Variants in OTUD7A observed in about 807,000 individuals in gnomAD.
OTUD7A encodes OTU deubiquitinase 7A.
Under a neutral mutation model 65.7 loss-of-function variants are expected in OTUD7A, and 12 were observed. The observed-to-expected ratio is 0.18, with a 90% confidence interval of 0.12 to 0.30. The LOEUF (loss-of-function observed/expected upper bound fraction) is 0.30. OTUD7A is among the 10% of genes least tolerant of loss of function. OTUD7A has a pLI of 1.00. For synonymous variants in OTUD7A, 641 were observed against 586.3 expected (o/e 1.09, Z -1.35); for missense variants, 1,148 against 1,304.8 (o/e 0.88, Z 1.85).
At chr15:31,686,297 T>C (rs1192759187) in intron 1 of OTUD7A, among the ~76,000 whole-genome samples, 1 of 152,234 alleles carries the variant, frequency 6.6e-6, no homozygotes, top group African/African-American at 2.4e-5. Flanking sequence ...GCCACCTCCA[T>C]TTGGTTCTCC....
At chr15:31,619,751 C>T (rs1371395603) in intron 3 of OTUD7A, among the ~76,000 whole-genome samples, 2 of 134,870 alleles carry the variant, frequency 1.5e-5, no homozygotes, top group South Asian at 4.4e-4. Flanking sequence ...TAATTGAATA[C>T]CCTTTATTTC....
chr15:31,853,913 G>C (rs1897494487), intron 1 of OTUD7A, among the ~76,000 whole-genome samples: 2 of 152,214 alleles, frequency 1.3e-5, no homozygotes, highest in African/African-American at 2.4e-5. Context: ...AGAGGGTAGG[G>C]AAGGAGAAGA....
intron 3 of OTUD7A, among the ~76,000 whole-genome samples, chr15:31,627,988 A>G (rs534794978): frequency 2.2e-4 from 34 of 152,228 alleles, no homozygotes; most frequent in Middle Eastern, 3.4e-3. Context: ...GATTCTGGAT[A>G]CTAGCCCTTT....
At chr15:31,730,678 C>T (rs959637480) in intron 1 of OTUD7A, among the ~76,000 whole-genome samples, 1 of 152,160 alleles carries the variant, frequency 6.6e-6, no homozygotes, top group African/African-American at 2.4e-5. Context: ...AGGTTAAATC[C>T]CAATGCTACT....
chr15:31,756,179 G>C (rs1012694184), intron 1 of OTUD7A, among the ~76,000 whole-genome samples: 2 of 152,086 alleles, frequency 1.3e-5, no homozygotes, highest in Admixed American at 1.3e-4. Flanking sequence ...AGGGCCTGTG[G>C]GTCCTCTGTT....
intron 1 of OTUD7A, among the ~76,000 whole-genome samples, chr15:31,810,311 T>C (rs1004197342): frequency 6.6e-6 from 1 of 152,206 alleles, no homozygotes; most frequent in African/African-American, 2.4e-5. Flanking sequence ...AACAGAACTG[T>C]GTCCCTGAAA....
At chr15:31,615,411 A>G (rs560345020) in intron 3 of OTUD7A, among the ~76,000 whole-genome samples, 1 of 152,232 alleles carries the variant, frequency 6.6e-6, no homozygotes, top group Non-Finnish European at 1.5e-5. Flanking sequence ...TCAGTCCTAC[A>G]GGAAGCTATG....
intron 1 of OTUD7A, among the ~76,000 whole-genome samples, chr15:31,852,509 G>A (rs1298991643): frequency 6.6e-6 from 1 of 152,176 alleles, no homozygotes; most frequent in East Asian, 1.9e-4. Context: ...TACAGTTTGG[G>A]TTCACAGATT....
rs1166187861 is a variant in OTUD7A, at chr15:31,753,716, A to AT, written c.-99-96640dup. Among the ~76,000 whole-genome samples, 752 of 111,212 alleles carry AT rather than the reference A, an allele frequency of 6.8e-3. 11 individuals carry two copies. The highest frequency in any genetic ancestry group is 9.8e-3 in the Non-Finnish European group (571 of 58,526). The allele number at this position is 111,212 out of a possible 152,430, so 73.0% of individuals were successfully genotyped here. A position where few individuals can be genotyped will look rare whatever the true frequency, so the allele number is the denominator to read the frequency against. On this transcript the variant is annotated intron_variant, in intron 1 of 12. Coordinates refer to ENST00000307050, the MANE Select transcript of OTUD7A (RefSeq NM_001382637.1). ...ATATATATATATTATATATATATAT[A>AT]TATATTATATATATATATATATATC...
chr15:31,521,021 TCAGAAA>T (rs2041929746), intron 8 of OTUD7A, among the ~76,000 whole-genome samples: 2 of 152,144 alleles, frequency 1.3e-5, no homozygotes, highest in South Asian at 2.1e-4. Context: ...GTGATATAAC[TCAGAAA>T]CAGAAAGTCA....
intron 1 of OTUD7A, among the ~76,000 whole-genome samples, chr15:31,796,555 T>A (rs1895967185): frequency 6.6e-6 from 1 of 152,236 alleles, no homozygotes; most frequent in Admixed American, 6.5e-5. Context: ...CAGATGTATT[T>A]GACCACATTT....
In OTUD7A at chr15:31,575,684, C is replaced by A. The variant is rs111717351; in HGVS notation, c.152-5487G>T. Among the ~76,000 whole-genome samples, 624 of 152,290 alleles carry A rather than the reference C, an allele frequency of 4.1e-3. 2 individuals are homozygous for A. Among genetic ancestry groups the A allele is most frequent in the African/African-American group, 0.014 (598 of 41,568 alleles). On this transcript the variant is annotated intron_variant, in intron 3 of 12. Transcript: ENST00000307050. ...TGGAAGAAGGATAAAAAGCCAGGAGCATCTCCCATCAAAAATCAAATACTC... is the reference window on the plus strand; with the variant it reads ...TGGAAGAAGGATAAAAAGCCAGGAGAATCTCCCATCAAAAATCAAATACTC...
chr15:31,562,605 AAAC>A (rs1236922203), intron 4 of OTUD7A, among the ~76,000 whole-genome samples: 2 of 152,140 alleles, frequency 1.3e-5, no homozygotes, highest in Non-Finnish European at 2.9e-5. Flanking sequence ...TAAAAAAAAA[AAAC>A]AACTTCCACC....
chr15:31,484,763 G>T lies in OTUD7A; in HGVS notation c.1372-39C>A, dbSNP rs779830072. ...GAGGGCCGGATCGAAGGTGGTTAGA[G>T]AAGAGCTGTCCACGCGCCAGCGAGG... On this transcript the variant is annotated intron_variant, in intron 12 of 12. Transcript: ENST00000307050. This position sits in a 1 kb window ranked among gnomAD's most constrained non-coding sequence, Gnocchi z 4.5. The T allele has an allele frequency of 1.1e-5, 17 of 1,580,536 alleles. No homozygotes were observed. The highest frequency in any genetic ancestry group is 4.5e-5 in the East Asian group (2 of 44,260).
At position 31,487,523 on chromosome 15, in the gene OTUD7A, C is replaced by T; in HGVS notation, c.1215G>A (p.Leu405=). 1 of 1,614,068 alleles carries T rather than the reference C, an allele frequency of 6.2e-7. No homozygotes were observed. ...LTDSEHKLLP[L]HFAVDPGKDW... ...CCTTGCCAGGGTCCACTGCAAAGTG[C>T]AGAGGCAGCAGCTTGTGCTCAGAAT... Residue 405 remains leucine (L), a synonymous_variant, in exon 11 of 13, where the codon CTG becomes CTA. Coordinates refer to ENST00000307050, the MANE Select transcript of OTUD7A (RefSeq NM_001382637.1). This position sits in a 1 kb window ranked among gnomAD's most constrained non-coding sequence, Gnocchi z 6.0.
intron 1 of OTUD7A, among the ~76,000 whole-genome samples, chr15:31,778,418 G>A (rs753703155): frequency 2.0e-5 from 3 of 152,206 alleles, no homozygotes; most frequent in African/African-American, 4.8e-5. Flanking sequence ...ACTGCAAATT[G>A]TATATCCAAA....
intron 4 of OTUD7A, among the ~76,000 whole-genome samples, chr15:31,568,812 G>A (rs1268621087): frequency 2.0e-5 from 3 of 152,144 alleles, no homozygotes; most frequent in Admixed American, 2.0e-4. Context: ...CAGCACCTCT[G>A]CCTTCCAACT....
intron 1 of OTUD7A, among the ~76,000 whole-genome samples, chr15:31,671,313 A>G (rs1260142250): frequency 6.6e-6 from 1 of 152,198 alleles, no homozygotes; most frequent in Non-Finnish European, 1.5e-5. Context: ...TCCCAGCACC[A>G]TTTATTAAAT....
intron 1 of OTUD7A, among the ~76,000 whole-genome samples, chr15:31,665,875 G>C (rs1405175480): frequency 6.6e-6 from 1 of 152,154 alleles, no homozygotes; most frequent in African/African-American, 2.4e-5. Context: ...AGCGATGCTG[G>C]ATTTTGTTGA....
Sources: gnomAD v4.1 joint callset for allele counts (sites outside exome capture counted in the v4.1 genomes callset) on GRCh38, gnomAD v4.1.1 for gene constraint, Gnocchi (gnomAD v3.1) non-coding constraint, MANE v1.5 for transcripts, NCBI Gene and HGNC (gene_info 2026-07-23, HGNC 2026-07-21) for gene names.